PXK: variants seen among roughly 807,000 people sequenced by gnomAD.
The protein encoded by PXK is PX domain-containing protein kinase-like protein.
A neutral mutation model predicts 84.7 loss-of-function variants in PXK; 35 were observed. That is an observed-to-expected ratio of 0.41 (90% CI 0.32 to 0.55). The LOEUF (loss-of-function observed/expected upper bound fraction) is 0.55. Among genes scored for constraint, PXK ranks in the 20% least tolerant of loss-of-function variants. The pLI is 0.21. For synonymous variants in PXK, 253 were observed against 260.8 expected, an observed-to-expected ratio of 0.97 and a Z score of 0.29; for missense variants, 634 against 699.7, an observed-to-expected ratio of 0.91 and a Z score of 1.06.
chr3:58,348,787 C>T (rs1396921854), intron 1 of PXK, among the ~76,000 whole-genome samples: 1 of 151,564 alleles, frequency 6.6e-6, no homozygotes, highest in Non-Finnish European at 1.5e-5. Flanking sequence ...TGGTGGCATA[C>T]CTGTAGTCTC....
rs1187871764 is a variant in PXK at position 58,379,420 on chromosome 3, C to T, written c.202-3094C>T. The T allele has an allele frequency of 6.5e-6, 1 of 154,652 alleles. No homozygotes were observed. The highest frequency in any genetic ancestry group is 6.6e-5 in the Admixed American group (1 of 15,258). 9.6% of individuals were successfully genotyped at this position (154,652 alleles called of 1,614,324 possible). A position where few individuals can be genotyped will look rare whatever the true frequency, so the allele number is the denominator to read the frequency against. ...TCTGCTTTTTCTAAATTTCACTACT[C>T]ACATCCCACAACATTATCTTCCCAT... is the stretch of plus-strand genomic sequence containing the variant. On this transcript the variant is annotated intron_variant, in intron 3 of 17. Transcript: ENST00000356151. The surrounding 1 kb of genome is among the most constrained non-coding windows in gnomAD (Gnocchi z 5.1).
chr3:58,359,258 G>A (rs1234406526), intron 1 of PXK, among the ~76,000 whole-genome samples: 1 of 152,098 alleles, frequency 6.6e-6, no homozygotes, highest in Admixed American at 6.5e-5. Context: ...ATGGCCAGGC[G>A]CAGTGGCTCA....
rs1301729311 is a variant in PXK at position 58,414,780 on chromosome 3, A to G, written c.1528+1817A>G. ...GTTGATGAAATTGACTCAGCCTGCA[A>G]TCTGACCTCTGCTGGGCATTTCCTG... On this transcript the variant is annotated intron_variant, in intron 17 of 17. Coordinates refer to ENST00000356151, the MANE Select transcript of PXK (RefSeq NM_017771.5). The surrounding 1 kb of genome is among the most constrained non-coding windows in gnomAD (Gnocchi z 4.5). Among the ~76,000 whole-genome samples, 2 of 152,222 alleles carry G rather than the reference A, an allele frequency of 1.3e-5. No individual in the cohort carries two copies. Among genetic ancestry groups the G allele is most frequent in the Admixed American group, 6.5e-5 (1 of 15,290 alleles).
rs762916659 is a variant in PXK at position 58,416,901 on chromosome 3, G to C, written c.1528+3938G>C. Among the ~76,000 whole-genome samples, 1 of 152,160 alleles carries C rather than the reference G, an allele frequency of 6.6e-6. No individual in the cohort carries two copies. Among genetic ancestry groups the C allele is most frequent in the East Asian group, 1.9e-4 (1 of 5,190 alleles). ...GGCCCCCAAAGTGCTGGGATTACAG[G>C]CTTGAGCCACTGTGCCCGGCCAGGA... is the stretch of plus-strand genomic sequence containing the variant. On this transcript the variant is annotated intron_variant, in intron 17 of 17. Coordinates refer to ENST00000356151, the MANE Select transcript of PXK (RefSeq NM_017771.5). The surrounding 1 kb of genome is among the most constrained non-coding windows in gnomAD (Gnocchi z 4.8).
chr3:58,375,266 T>C (rs2098429882), intron 3 of PXK, among the ~76,000 whole-genome samples: 1 of 152,228 alleles, frequency 6.6e-6, no homozygotes. Context: ...CTGTCGATAC[T>C]GGGTAATGGT....
intron 3 of PXK, among the ~76,000 whole-genome samples, chr3:58,381,555 C>CA (rs34125797): frequency 0.52 from 62,241 of 120,754 alleles, 16,782 homozygotes; most frequent in East Asian, 0.97. Flanking sequence ...AATAGAAAAC[C>CA]AAAAAAAAAA....
intron 3 of PXK, among the ~76,000 whole-genome samples, chr3:58,380,090 G>A (rs1427424810): frequency 1.3e-5 from 2 of 152,046 alleles, no homozygotes; most frequent in African/African-American, 4.8e-5. Context: ...AGGCATGGAG[G>A]GGAAGAAATA....
rs1047941579 is a variant in PXK, at chr3:58,333,238, C to T, written c.102+148C>T. On this transcript the variant is annotated intron_variant, in intron 1 of 17. Coordinates refer to ENST00000356151, the MANE Select transcript of PXK (RefSeq NM_017771.5). This position sits in a 1 kb window ranked among gnomAD's most constrained non-coding sequence, Gnocchi z 5.4. ...CCTGGCCGAGAAGGCTGTGGCGCGC[C>T]GCTGGGTCTGGGTCAGGGCCCCTGG... 1.4e-5 allele frequency: 5 copies of T among 369,760 alleles called. No homozygotes were observed. The highest frequency in any genetic ancestry group is 4.4e-5 in the African/African-American group (2 of 45,138). The allele number at this position is 369,760 out of a possible 1,614,324, so 22.9% of individuals were successfully genotyped here.
chr3:58,372,631 AGT>A (rs2098392080), intron 3 of PXK, among the ~76,000 whole-genome samples: 1 of 127,048 alleles, frequency 7.9e-6, no homozygotes. Flanking sequence ...CATTTTCTAA[AGT>A]TTTTTTTTTT....
chr3:58,338,778 C>T (rs967697681), intron 1 of PXK, among the ~76,000 whole-genome samples: 4 of 151,432 alleles, frequency 2.6e-5, no homozygotes, highest in Admixed American at 2.0e-4. Context: ...CTCTGCCTCC[C>T]GGGTTCAAGC....
At chr3:58,334,589 C>T (rs1416564683) in intron 1 of PXK, among the ~76,000 whole-genome samples, 1 of 152,170 alleles carries the variant, frequency 6.6e-6, no homozygotes, top group Non-Finnish European at 1.5e-5. Context: ...TCACAAATTA[C>T]TTTCCCTAGG....
intron 1 of PXK, among the ~76,000 whole-genome samples, chr3:58,336,893 T>A (rs956056626): frequency 1.3e-5 from 2 of 152,084 alleles, no homozygotes; most frequent in Non-Finnish European, 2.9e-5. Flanking sequence ...CACTGCAACC[T>A]CCACCTCCCA....
At chr3:58,358,596 G>A (rs1328842865) in intron 1 of PXK, among the ~76,000 whole-genome samples, 5 of 152,090 alleles carry the variant, frequency 3.3e-5, no homozygotes, top group African/African-American at 1.2e-4. Flanking sequence ...CTCAACCTTG[G>A]TACTTTGACA....
rs567552886 is a variant in PXK, at chr3:58,411,021, C to G, written c.1465+862C>G. Among the ~76,000 whole-genome samples the G allele has an allele frequency of 2.0e-5, 3 of 152,172 alleles. No individual in the cohort carries two copies. The highest frequency in any genetic ancestry group is 4.4e-5 in the Non-Finnish European group (3 of 68,036). On this transcript the variant is annotated intron_variant, in intron 16 of 17. Coordinates refer to ENST00000356151, the MANE Select transcript of PXK (RefSeq NM_017771.5). The surrounding 1 kb of genome is among the most constrained non-coding windows in gnomAD (Gnocchi z 4.2). The stretch of plus-strand genomic sequence containing the variant: ...TAGCATCCAAAGCCCAGCTATCAGT[C>G]TCAACTTTGAGGAAACCCATGCATC...
At chr3:58,402,557 G>A (rs2058748354) in intron 12 of PXK, among the ~76,000 whole-genome samples, 1 of 150,990 alleles carries the variant, frequency 6.6e-6, no homozygotes, top group African/African-American at 2.4e-5. Context: ...AGCCTCCCGA[G>A]TAGCTGGAAC....
In PXK at chr3:58,383,241, G is replaced by A. The variant is rs558802725; in HGVS notation, c.388+541G>A. Among the ~76,000 whole-genome samples, 3 of 152,120 alleles carry A rather than the reference G, an allele frequency of 2.0e-5. No individual in the cohort carries two copies. Among genetic ancestry groups the A allele is most frequent in the Admixed American group, 2.0e-4 (3 of 15,278 alleles). On this transcript the variant is annotated intron_variant, in intron 4 of 17. Transcript: ENST00000356151. The surrounding 1 kb of genome is among the most constrained non-coding windows in gnomAD (Gnocchi z 4.0). ...CGGGAGGTGGAGGTTGCAGTGAGCC[G>A]AGATAGCACCACTGCACTCTAGCCT...
At chr3:58,352,358 T>C (rs2108071018) in intron 1 of PXK, among the ~76,000 whole-genome samples, 1 of 152,338 alleles carries the variant, frequency 6.6e-6, no homozygotes, top group East Asian at 1.9e-4. Context: ...CCACCTCAGA[T>C]ACCAGAGCCC....
Position 58,414,430 on chromosome 3 carries a change from G to T in PXK, c.1528+1467G>T, listed in dbSNP as rs2060668723. On this transcript the variant is annotated intron_variant, in intron 17 of 17. Coordinates refer to ENST00000356151, the MANE Select transcript of PXK (RefSeq NM_017771.5). This position sits in a 1 kb window ranked among gnomAD's most constrained non-coding sequence, Gnocchi z 4.5. ...AATTTACAATTTATTTGGACTTTTGGGGGGAATTCTCTAATTTATCTGTGT... is the reference window on the plus strand; with the variant it reads ...AATTTACAATTTATTTGGACTTTTGTGGGGAATTCTCTAATTTATCTGTGT... 1 of 152,148 alleles carries T rather than the reference G, an allele frequency of 6.6e-6. No homozygotes were observed. The highest frequency in any genetic ancestry group is 1.5e-5 in the Non-Finnish European group (1 of 68,026). The allele number at this position is 152,148 out of a possible 1,614,324, so 9.4% of individuals were successfully genotyped here. A position where few individuals can be genotyped will look rare whatever the true frequency, so the allele number is the denominator to read the frequency against.
intron 7 of PXK, 105 bp downstream of exon 7, chr3:58,391,952 A>G: frequency 1.9e-6 from 2 of 1,032,396 alleles, no homozygotes; most frequent in Non-Finnish European, 1.5e-6. Flanking sequence ...GGGGAGATAC[A>G]GTGGATTTCA....
Sources: allele counts gnomAD v4.1 joint callset (sites outside exome capture counted in the v4.1 genomes callset), GRCh38; gene constraint gnomAD v4.1.1; non-coding constraint Gnocchi (gnomAD v3.1); transcripts MANE v1.5; gene names NCBI Gene and HGNC (gene_info 2026-07-23, HGNC 2026-07-21).